Variants in PAX5 observed in about 807,000 individuals in gnomAD.
The protein encoded by PAX5 is paired box protein Pax-5.
In PAX5, 9 loss-of-function variants were observed where a neutral mutation model predicts 43.7. The observed-to-expected ratio is 0.21, with a 90% CI of 0.12 to 0.36. PAX5 has a LOEUF of 0.36. Ranked by LOEUF, PAX5 falls within the 10% of genes least tolerant of loss-of-function variation. The pLI is 1.00. For missense variants in PAX5, 383 were observed against 532.7 expected (o/e 0.72, Z 2.77); for synonymous variants, 228 against 214.3 (o/e 1.06, Z -0.56).
chr9:36,980,465 T>A (rs1023318528), intron 5 of PAX5, among the ~76,000 whole-genome samples: 12 of 152,176 alleles, frequency 7.9e-5, no homozygotes, highest in Non-Finnish European at 1.6e-4. Flanking sequence ...GGCCACCCAC[T>A]GCACCGCATT....
intron 6 of PAX5, among the ~76,000 whole-genome samples, chr9:36,941,180 A>C (rs142900508): frequency 5.1e-4 from 78 of 152,334 alleles, no homozygotes; most frequent in African/African-American, 1.7e-3. Flanking sequence ...TTAGAACCCC[A>C]GCACCACCCA....
At chr9:36,900,706 T>C (rs1828307617) in intron 7 of PAX5, among the ~76,000 whole-genome samples, 1 of 152,140 alleles carries the variant, frequency 6.6e-6, no homozygotes, top group Non-Finnish European at 1.5e-5. Flanking sequence ...TCTCCAGCTC[T>C]GCTCCTCCCC....
chr9:36,921,881 T>A (rs961180294), intron 7 of PAX5, among the ~76,000 whole-genome samples: 4 of 152,132 alleles, frequency 2.6e-5, no homozygotes, highest in Non-Finnish European at 5.9e-5. Context: ...GGGAGTGCCT[T>A]CAGAGGTCTT....
intron 6 of PAX5, among the ~76,000 whole-genome samples, chr9:36,954,614 TC>T (rs1311304785): frequency 6.6e-6 from 1 of 152,240 alleles, no homozygotes; most frequent in Non-Finnish European, 1.5e-5. Flanking sequence ...TTGTACTTTC[TC>T]TCTGGTTGCT....
chr9:36,994,649 G>A lies in PAX5; in HGVS notation c.604+7999C>T, dbSNP rs1837234625. ...AAAGACCTTCAGGCCAAGGAAAACA[G>A]AGCACAAGTGCCGAGAGCAACTTGA... On this transcript the variant is annotated intron_variant, in intron 5 of 9. Transcript: ENST00000358127. Among the ~76,000 whole-genome samples the A allele has an allele frequency of 2.6e-5, 4 of 152,162 alleles. No homozygotes were observed. In the South Asian group the frequency reaches 8.3e-4, roughly 31 times the overall value.
At chr9:36,866,683 G>T (rs1360775509) in intron 8 of PAX5, among the ~76,000 whole-genome samples, 1 of 152,096 alleles carries the variant, frequency 6.6e-6, no homozygotes, top group Admixed American at 6.5e-5. Context: ...ACTGAGGGGG[G>T]TGGGGACAAT....
chr9:36,896,324 G>C lies in PAX5; in HGVS notation c.911-14219C>G, dbSNP rs116657740. Among the ~76,000 whole-genome samples, 691 of 151,920 alleles carry C rather than the reference G, an allele frequency of 4.5e-3. 8 individuals are homozygous for C. Among genetic ancestry groups the C allele is most frequent in the African/African-American group, 0.016 (648 of 41,418 alleles). ...CAGTGCCAGGCTTGGAACCAAGAAA[G>C]TCCAAACAGACAACGCTGATATTTT... is the stretch of plus-strand genomic sequence containing the variant. On this transcript the variant is annotated intron_variant, in intron 7 of 9. Coordinates refer to ENST00000358127, the MANE Select transcript of PAX5 (RefSeq NM_016734.3).
chr9:37,028,324 A>G (rs1840638723), intron 1 of PAX5, among the ~76,000 whole-genome samples: 1 of 152,032 alleles, frequency 6.6e-6, no homozygotes, highest in African/African-American at 2.4e-5. Flanking sequence ...TCCTAATTTT[A>G]TTTCCTAATT....
chr9:36,877,400 C>T (rs775188962), intron 8 of PAX5, among the ~76,000 whole-genome samples: 2 of 152,122 alleles, frequency 1.3e-5, no homozygotes, highest in African/African-American at 4.8e-5. Flanking sequence ...TTTCTAAAGC[C>T]GACAGTGGGG....
chr9:37,006,943 GGAAT>G (rs1226235963), intron 3 of PAX5, among the ~76,000 whole-genome samples: 1 of 152,084 alleles, frequency 6.6e-6, no homozygotes, highest in Non-Finnish European at 1.5e-5. Context: ...TCCTATATGT[GGAAT>G]GAAGGAACTG....
chr9:36,867,700 C>T (rs1403096427), intron 8 of PAX5, among the ~76,000 whole-genome samples: 2 of 152,156 alleles, frequency 1.3e-5, no homozygotes, highest in Non-Finnish European at 2.9e-5. Context: ...TTTTTCCTTC[C>T]TCCCTCTTTT....
intron 8 of PAX5, among the ~76,000 whole-genome samples, chr9:36,878,222 C>T (rs1459419452): frequency 1.3e-5 from 2 of 152,196 alleles, no homozygotes; most frequent in South Asian, 2.1e-4. Context: ...TTACAGTAGC[C>T]ACAGGAAACT....
Position 36,966,466 on chromosome 9 carries a change from C to T in PAX5, c.780+83G>A, listed in dbSNP as rs1834443998. 5.4e-6 allele frequency: 8 copies of T among 1,479,734 alleles called. No individual in the cohort carries two copies. In the Admixed American group the frequency reaches 1.5e-4, roughly 27 times the overall value. 91.7% of individuals were successfully genotyped at this position (1,479,734 alleles called of 1,614,324 possible). A position where few individuals can be genotyped will look rare whatever the true frequency, so the allele number is the denominator to read the frequency against. On this transcript the variant is annotated intron_variant, in intron 6 of 9. Coordinates refer to ENST00000358127, the MANE Select transcript of PAX5 (RefSeq NM_016734.3). Reference sequence around the variant, plus strand: ...AACCTGGTGTGCCCTCACCCACACCCCGCCAGATGCCTCTGCCTTCAGGAA... The same window carrying T: ...AACCTGGTGTGCCCTCACCCACACCTCGCCAGATGCCTCTGCCTTCAGGAA...
At chr9:36,868,728 C>T (rs570636038) in intron 8 of PAX5, among the ~76,000 whole-genome samples, 3 of 152,258 alleles carry the variant, frequency 2.0e-5, no homozygotes, top group Admixed American at 1.3e-4. Context: ...TCTCCATGGA[C>T]ACCGGAGGCT....
In PAX5 at chr9:36,896,354, C is replaced by T. The variant is rs138405791; in HGVS notation, c.911-14249G>A. Among the ~76,000 whole-genome samples the T allele has an allele frequency of 1.1e-4, 17 of 151,922 alleles. No individual in the cohort carries two copies. The East Asian group carries it at 2.5e-3, about 23-fold the overall frequency. On this transcript the variant is annotated intron_variant, in intron 7 of 9. Coordinates refer to ENST00000358127, the MANE Select transcript of PAX5 (RefSeq NM_016734.3). ...AACAGACAACGCTGATATTTTGTAA[C>T]GCCAGCTCCTACACCTCCAATTATT... is the stretch of plus-strand genomic sequence containing the variant.
At chr9:37,023,938 A>T (rs944688905) in intron 1 of PAX5, among the ~76,000 whole-genome samples, 1 of 152,180 alleles carries the variant, frequency 6.6e-6, no homozygotes, top group African/African-American at 2.4e-5. Flanking sequence ...AGCTTTGCAT[A>T]TGTGTATACC....
chr9:36,955,300 G>T (rs2132128496), intron 6 of PAX5, among the ~76,000 whole-genome samples: 2 of 152,130 alleles, frequency 1.3e-5, no homozygotes, highest in South Asian at 2.1e-4. Flanking sequence ...TATTCTGTAG[G>T]CATGTTGTAC....
chr9:36,891,534 GC>G (rs1827383311), intron 7 of PAX5, among the ~76,000 whole-genome samples: 1 of 152,258 alleles, frequency 6.6e-6, no homozygotes, highest in African/African-American at 2.4e-5. Flanking sequence ...AGGGTATGCT[GC>G]TGACGGTAGA....
At position 36,996,051 on chromosome 9, in the gene PAX5, G is replaced by C. The variant is rs79841701; in HGVS notation, c.604+6597C>G. Among the ~76,000 whole-genome samples, 1,192 of 152,326 alleles carry C rather than the reference G, an allele frequency of 7.8e-3. 20 individuals carry two copies. The highest frequency in any genetic ancestry group is 0.028 in the African/African-American group (1,144 of 41,566). ...TTCAGCCTGGATGCCCCGGGCTCCC[G>C]GCTGCAGGCAATCGGCTTCTTCAGT... On this transcript the variant is annotated intron_variant, in intron 5 of 9. Coordinates refer to ENST00000358127, the MANE Select transcript of PAX5 (RefSeq NM_016734.3).
Sources: gnomAD v4.1 joint callset for allele counts (sites outside exome capture counted in the v4.1 genomes callset) on GRCh38, gnomAD v4.1.1 for gene constraint, MANE v1.5 for transcripts, NCBI Gene and HGNC (gene_info 2026-07-23, HGNC 2026-07-21) for gene names.